COL4A1: variants seen among roughly 807,000 people sequenced by gnomAD.
The protein encoded by COL4A1 is collagen type IV alpha 1 chain.
A neutral mutation model predicts 216.6 loss-of-function variants in COL4A1; 40 were observed. The ratio of observed to expected loss-of-function variants is 0.18; its 90% CI spans 0.14 to 0.24. COL4A1 has a LOEUF of 0.24. Ranked by LOEUF, COL4A1 falls within the 10% of genes least tolerant of loss-of-function variation. The pLI, the probability that COL4A1 is intolerant of heterozygous loss-of-function variation, is 1.00. For synonymous variants in COL4A1, 839 were observed against 810.7 expected, an observed-to-expected ratio of 1.03 and a Z score of -0.59; for missense variants, 1,628 against 2,196.8, an observed-to-expected ratio of 0.74 and a Z score of 5.18.
At chr13:110,155,570 C>T (rs1014360447) in intron 49 of COL4A1, among the ~76,000 whole-genome samples, 173 bp from the exon 50 acceptor site, 1 of 152,180 alleles carries the variant, frequency 6.6e-6, no homozygotes, top group African/African-American at 2.4e-5. Flanking sequence ...AGTACCTCCC[C>T]GTTGGTTTTA....
At chr13:110,231,378 A>G (rs1881054557) in intron 2 of COL4A1, among the ~76,000 whole-genome samples, 1 of 152,206 alleles carries the variant, frequency 6.6e-6, no homozygotes, top group South Asian at 2.1e-4. Context: ...CTGACGTCAA[A>G]CAGGGAAATG....
At chr13:110,205,612 C>T (rs1879471867) in intron 15 of COL4A1, 74 bp from the exon 16 acceptor site, 1 of 1,549,254 alleles carries the variant, frequency 6.5e-7, no homozygotes, top group Non-Finnish European at 8.9e-7. Flanking sequence ...CCTGTAATCC[C>T]AGCACTTTGG....
chr13:110,248,829 A>G (rs540173130), intron 1 of COL4A1, among the ~76,000 whole-genome samples: 23 of 152,110 alleles, frequency 1.5e-4, no homozygotes, highest in Admixed American at 3.3e-4. Flanking sequence ...TCATTCACAC[A>G]CACAAAATGC....
intron 1 of COL4A1, among the ~76,000 whole-genome samples, chr13:110,256,018 T>C (rs553993314): frequency 2.0e-5 from 3 of 152,248 alleles, no homozygotes; most frequent in South Asian, 4.1e-4. Flanking sequence ...GTAATTCTAC[T>C]GTCAATTAGA....
chr13:110,272,215 T>G (rs1480612894), intron 1 of COL4A1, among the ~76,000 whole-genome samples: 1 of 152,248 alleles, frequency 6.6e-6, no homozygotes, highest in Non-Finnish European at 1.5e-5. Context: ...AAGTCAGACC[T>G]CTTTTTCTTT....
chr13:110,166,439 A>G, intron 44 of COL4A1, 136 bp from the exon 45 acceptor site: 1 of 738,426 alleles, frequency 1.4e-6, no homozygotes. Context: ...ACACACATAT[A>G]CTCATATATG....
chr13:110,151,960 A>G (rs1258781677), intron 51 of COL4A1, among the ~76,000 whole-genome samples: 1 of 152,198 alleles, frequency 6.6e-6, no homozygotes, highest in African/African-American at 2.4e-5. Context: ...GTACATTACG[A>G]TCAGTGTTAT....
At chr13:110,154,335 G>A (rs931129874) in intron 50 of COL4A1, among the ~76,000 whole-genome samples, 1 of 152,210 alleles carries the variant, frequency 6.6e-6, no homozygotes, top group Non-Finnish European at 1.5e-5. Context: ...CTTGTTTTCT[G>A]TTTCAGTTGG....
At chr13:110,158,131 C>T (rs9521625) in intron 49 of COL4A1, among the ~76,000 whole-genome samples, 30,829 of 152,254 alleles carry the variant, frequency 0.2, 3,309 homozygotes, top group East Asian at 0.44. Context: ...CTGGCAGCCA[C>T]TCACACAGGT....
rs1196774737 is a variant in COL4A1 at position 110,253,661 on chromosome 13, TTA to T, written c.85-10929_85-10928del. On this transcript the variant is annotated intron_variant, in intron 1 of 51. Coordinates refer to ENST00000375820, the MANE Select transcript of COL4A1 (RefSeq NM_001845.6). The stretch of plus-strand genomic sequence containing the variant: ...ATGTATGTATTACATATACGTATAA[TTA>T]TATGTGTATGTATGTATTACATATA... Among the ~76,000 whole-genome samples, 15 of 144,220 alleles carry T rather than the reference TTA, an allele frequency of 1.0e-4. 1 individual carries two copies. Among genetic ancestry groups the T allele is most frequent in the African/African-American group, 2.0e-4 (8 of 39,716 alleles). 94.6% of individuals were successfully genotyped at this position (144,220 alleles called of 152,430 possible). A position where few individuals can be genotyped will look rare whatever the true frequency, so the allele number is the denominator to read the frequency against.
chr13:110,183,517 C>A (rs1279379779), intron 26 of COL4A1, among the ~76,000 whole-genome samples: 1 of 152,156 alleles, frequency 6.6e-6, no homozygotes, highest in Admixed American at 6.5e-5. Flanking sequence ...TTGTTGGACA[C>A]AAGAATCCCT....
chr13:110,219,660 A>ATATATATATATGTG (rs1566384642), intron 2 of COL4A1, among the ~76,000 whole-genome samples: 1 of 119,290 alleles, frequency 8.4e-6, no homozygotes, highest in East Asian at 2.2e-4. Flanking sequence ...ATATATATAT[A>ATATATATATATGTG]TGTATATATA....
At chr13:110,155,438 G>T in intron 49 of COL4A1, 41 bp from the exon 50 acceptor site, 1 of 1,456,384 alleles carries the variant, frequency 6.9e-7, no homozygotes, top group Non-Finnish European at 9.6e-7. Context: ...CCGGGGTGCA[G>T]GGCAGAGGCC....
intron 47 of COL4A1, 66 bp downstream of exon 47, chr13:110,163,397 G>T: frequency 7.1e-7 from 1 of 1,406,592 alleles, no homozygotes; most frequent in Non-Finnish European, 1.0e-6. Context: ...CCCCATGCCT[G>T]GTTCTGCTCC....
chr13:110,275,255 A>C (rs972572487), intron 1 of COL4A1, among the ~76,000 whole-genome samples: 2 of 152,250 alleles, frequency 1.3e-5, no homozygotes, highest in Non-Finnish European at 2.9e-5. Flanking sequence ...CAAAGACCTT[A>C]ACAGACACTT....
chr13:110,192,144 C>T (rs749245918), intron 24 of COL4A1, 70 bp downstream of exon 24: 118 of 1,519,932 alleles, frequency 7.8e-5, no homozygotes, highest in Middle Eastern at 3.4e-4. Flanking sequence ...AAATGCAAAA[C>T]GACACAACTC....
chr13:110,177,069 T>G, intron 33 of COL4A1, 32 bp from the exon 34 acceptor site: 1 of 1,611,772 alleles, frequency 6.2e-7, no homozygotes, highest in Admixed American at 1.7e-5. Context: ...CTGGTGAGCC[T>G]GGGCCAGTGT....
chr13:110,172,949 G>A (rs1877712956), intron 40 of COL4A1, among the ~76,000 whole-genome samples, 179 bp from the exon 41 acceptor site: 2 of 152,184 alleles, frequency 1.3e-5, no homozygotes, highest in African/African-American at 4.8e-5. Context: ...ACCCTTGACT[G>A]AATGTTCCTA....
At chr13:110,270,228 A>G (rs1883196792) in intron 1 of COL4A1, among the ~76,000 whole-genome samples, 1 of 152,198 alleles carries the variant, frequency 6.6e-6, no homozygotes, top group Non-Finnish European at 1.5e-5. Flanking sequence ...TCATCCTACC[A>G]TACCCAGTAG....
Sources: allele counts gnomAD v4.1 joint callset (sites outside exome capture counted in the v4.1 genomes callset), GRCh38; gene constraint gnomAD v4.1.1; transcripts MANE v1.5; gene names NCBI Gene and HGNC (gene_info 2026-07-23, HGNC 2026-07-21).